PSD3: variants seen among roughly 807,000 people sequenced by gnomAD.
PSD3 encodes PH and SEC7 domain-containing protein 3.
A neutral mutation model predicts 105.5 loss-of-function variants in PSD3; 49 were observed. The ratio of observed to expected loss-of-function variants is 0.46; its 90% confidence interval spans 0.37 to 0.59. The LOEUF is 0.59. PSD3 is among the 20% of genes least tolerant of loss of function. PSD3 has a pLI of 0.00. For missense variants in PSD3, 1,561 were observed against 1,263.8 expected (o/e 1.24, Z -3.57); for synonymous variants, 557 against 457.8 (o/e 1.22, Z -2.77).
At chr8:18,825,804 TC>T (rs1813133812) in intron 4 of PSD3, among the ~76,000 whole-genome samples, 2 of 152,178 alleles carry the variant, frequency 1.3e-5, no homozygotes, top group Non-Finnish European at 2.9e-5. Context: ...CCCACAGGGA[TC>T]TATGTAGTCG....
chr8:18,738,962 A>G (rs1804357371), intron 9 of PSD3, among the ~76,000 whole-genome samples: 1 of 152,156 alleles, frequency 6.6e-6, no homozygotes, highest in African/African-American at 2.4e-5. Context: ...TACCACAAGG[A>G]TTTCTTTTCC....
At chr8:18,787,387 T>A (rs1000912895) in intron 8 of PSD3, among the ~76,000 whole-genome samples, 2 of 152,134 alleles carry the variant, frequency 1.3e-5, no homozygotes, top group African/African-American at 4.8e-5. Flanking sequence ...ATATTTTCTA[T>A]CAAAACAGAT....
chr8:18,557,031 T>C (rs1442720627), intron 14 of PSD3, among the ~76,000 whole-genome samples: 1 of 152,236 alleles, frequency 6.6e-6, no homozygotes, highest in Non-Finnish European at 1.5e-5. Context: ...ACCAATGCAA[T>C]ATGGTTGATC....
At position 19,013,599 on chromosome 8, in the gene PSD3, C is replaced by G. The variant is rs766912722; in HGVS notation, c.-16G>C. The G allele has an allele frequency of 6.8e-7, 1 of 1,462,830 alleles. No individual in the cohort carries two copies. The highest frequency in any genetic ancestry group is 9.0e-7 in the Non-Finnish European group (1 of 1,113,686). 90.6% of individuals were successfully genotyped at this position (1,462,830 alleles called of 1,614,324 possible). The stretch of plus-strand genomic sequence containing the variant: ...TTCCTTCCATCTTCCATCGCCAGCC[C>G]GGCCGCGCGCCGAAACCGCCGCCGG... On this transcript the variant is annotated 5_prime_UTR_variant, in exon 1 of 16. Transcript: ENST00000327040.
At chr8:18,843,579 A>C (rs761138572) in intron 4 of PSD3, among the ~76,000 whole-genome samples, 60 of 152,178 alleles carry the variant, frequency 3.9e-4, no homozygotes, top group Admixed American at 4.6e-4. Flanking sequence ...AACAGCTTTG[A>C]GATACAATTT....
chr8:18,557,801 G>A (rs1282568658), intron 14 of PSD3, among the ~76,000 whole-genome samples: 3 of 152,156 alleles, frequency 2.0e-5, no homozygotes, highest in African/African-American at 7.2e-5. Flanking sequence ...AAATGCTTCA[G>A]GTAGCTTTTA....
At chr8:18,944,973 G>T (rs999731171) in intron 1 of PSD3, among the ~76,000 whole-genome samples, 3 of 152,110 alleles carry the variant, frequency 2.0e-5, no homozygotes. Context: ...TCCTTTCGAT[G>T]AAAAATATTC....
Position 18,974,473 on chromosome 8 carries a change from G to A in PSD3, c.22-38331C>T, listed in dbSNP as rs555500485. ...CCTTTAAGAGAGAAAAAGACGCAAG[G>A]AGAGCAAATTCTATGAAATGAAATC... On this transcript the variant is annotated intron_variant, in intron 1 of 15. Coordinates refer to ENST00000327040, the MANE Select transcript of PSD3 (RefSeq NM_015310.4). 1.6e-4 allele frequency among the ~76,000 whole-genome samples: 25 copies of A among 152,258 alleles called. No homozygotes were observed. In the South Asian group the frequency reaches 3.1e-3, roughly 19 times the overall value.
At chr8:19,021,105 C>G (rs4244450) in intron 1 of PSD3, among the ~76,000 whole-genome samples, 122,632 of 152,180 alleles carry the variant, frequency 0.81, 50,233 homozygotes, top group East Asian at 0.95. Context: ...CTAATGCACT[C>G]CAATGCTCAG....
At chr8:18,954,887 T>A (rs11776741) in intron 1 of PSD3, among the ~76,000 whole-genome samples, 59,535 of 151,826 alleles carry the variant, frequency 0.39, 11,852 homozygotes, top group Non-Finnish European at 0.41. Context: ...TCCACCCTCA[T>A]CCCAAGTTCA....
intron 9 of PSD3, among the ~76,000 whole-genome samples, chr8:18,704,398 T>C (rs1381309126): frequency 6.6e-6 from 1 of 152,156 alleles, no homozygotes. Context: ...AGTGCAGTTG[T>C]GTGGTCTCGG....
chr8:18,602,318 G>A (rs1804496496), intron 11 of PSD3, among the ~76,000 whole-genome samples: 1 of 151,972 alleles, frequency 6.6e-6, no homozygotes. Context: ...AGATTCCAAA[G>A]AGCTCTCCAA....
chr8:19,020,022 C>T (rs1392505577), intron 1 of PSD3, among the ~76,000 whole-genome samples: 1 of 152,112 alleles, frequency 6.6e-6, no homozygotes, highest in African/African-American at 2.4e-5. Context: ...GAGGTTAAGT[C>T]TCTATAATAA....
At chr8:18,760,035 G>A (rs182797237) in intron 9 of PSD3, among the ~76,000 whole-genome samples, 2 of 151,230 alleles carry the variant, frequency 1.3e-5, no homozygotes, top group Non-Finnish European at 2.9e-5. Flanking sequence ...AAGAAACTCA[G>A]TAGAAATAAA....
chr8:18,953,390 A>C (rs1009689944), intron 1 of PSD3, among the ~76,000 whole-genome samples: 1 of 152,206 alleles, frequency 6.6e-6, no homozygotes, highest in African/African-American at 2.4e-5. Context: ...AACACATATA[A>C]ATATATCAAT....
intron 12 of PSD3, among the ~76,000 whole-genome samples, chr8:18,595,230 A>C (rs200946776): frequency 3.6e-4 from 24 of 66,984 alleles, no homozygotes; most frequent in East Asian, 6.9e-4. Context: ...AACAAACAAA[A>C]AAAACCCTAA....
chr8:18,595,690 A>G (rs1233016157), intron 12 of PSD3, among the ~76,000 whole-genome samples: 1 of 152,066 alleles, frequency 6.6e-6, no homozygotes, highest in Non-Finnish European at 1.5e-5. Flanking sequence ...GACATATAAT[A>G]ATGAGTCAAT....
intron 9 of PSD3, among the ~76,000 whole-genome samples, chr8:18,672,743 C>T (rs1228906630): frequency 6.6e-6 from 1 of 152,196 alleles, no homozygotes; most frequent in Non-Finnish European, 1.5e-5. Flanking sequence ...TTGCTATAGA[C>T]TAAAACTGTG....
intron 9 of PSD3, among the ~76,000 whole-genome samples, chr8:18,729,099 TAACA>T (rs753277308): frequency 9.9e-5 from 15 of 151,614 alleles, no homozygotes; most frequent in South Asian, 2.1e-4. Context: ...ATTTAACAAC[TAACA>T]GAGACTAATA....
Sources: gnomAD v4.1 joint callset for allele counts (sites outside exome capture counted in the v4.1 genomes callset) on GRCh38, gnomAD v4.1.1 for gene constraint, MANE v1.5 for transcripts, NCBI Gene and HGNC (gene_info 2026-07-23, HGNC 2026-07-21) for gene names.